TMEM138: variants seen among roughly 807,000 people sequenced by gnomAD.
TMEM138 encodes transmembrane protein 138.
Under a neutral mutation model 18.1 loss-of-function variants are expected in TMEM138, and 9 were observed. The observed-to-expected ratio is 0.50, with a 90% CI of 0.30 to 0.87. The LOEUF (loss-of-function observed/expected upper bound fraction) is 0.87. TMEM138 is among the 40% of genes least tolerant of loss of function. TMEM138 has a pLI of 0.06. For synonymous variants in TMEM138, 79 were observed against 74.8 expected (o/e 1.06, Z -0.29); for missense variants, 189 against 190.6 (o/e 0.99, Z 0.05).
chr11:61,370,097 T>A (rs1157738222), downstream of TMEM138, among the ~76,000 whole-genome samples: 1 of 152,200 alleles, frequency 6.6e-6, no homozygotes, highest in East Asian at 1.9e-4. Flanking sequence ...GTTCCCTGAC[T>A]GACTCCAAAC....
downstream of TMEM138, among the ~76,000 whole-genome samples, chr11:61,372,679 G>C (rs745468147): frequency 6.6e-6 from 1 of 151,794 alleles, no homozygotes; most frequent in African/African-American, 2.4e-5. Context: ...CCAGCTACTC[G>C]GGAGGCTGAG....
intron 4 of TMEM138, 78 bp downstream of exon 4, chr11:61,368,076 C>A: frequency 1.0e-6 from 1 of 983,704 alleles, no homozygotes; most frequent in Non-Finnish European, 1.6e-6. Flanking sequence ...TGCTGGCTTC[C>A]CAGACCTGTC....
downstream of TMEM138, among the ~76,000 whole-genome samples, chr11:61,372,066 C>T (rs1858356011): frequency 6.6e-6 from 1 of 151,430 alleles, no homozygotes; most frequent in South Asian, 2.1e-4. Flanking sequence ...ATCCCAGCTA[C>T]TCAGGAGGCT....
At chr11:61,366,949 C>G (rs74503791) in intron 3 of TMEM138, 1 of 152,200 alleles carries the variant, frequency 6.6e-6, no homozygotes, top group Admixed American at 6.5e-5. Flanking sequence ...GGGGACTCTT[C>G]CAGAACATTC....
downstream of TMEM138, among the ~76,000 whole-genome samples, chr11:61,375,255 A>AATTTG (rs1455111621): frequency 1.3e-5 from 2 of 152,024 alleles, no homozygotes; most frequent in Non-Finnish European, 2.9e-5. Context: ...CTATGAACAA[A>AATTTG]ATTTGCAGCA....
At chr11:61,374,299 C>G (rs899464592), downstream of TMEM138, among the ~76,000 whole-genome samples, 3 of 151,800 alleles carry the variant, frequency 2.0e-5, no homozygotes, top group African/African-American at 7.3e-5. Context: ...AGGCACCCAC[C>G]ACCACACCCA....
chr11:61,367,681 G>T (rs1858201454), intron 3 of TMEM138: 1 of 465,160 alleles, frequency 2.1e-6, no homozygotes, highest in Non-Finnish European at 3.9e-6. Flanking sequence ...CTTGGCAAAG[G>T]TTATGGAATT....
chr11:61,375,218 T>G (rs965885655), downstream of TMEM138, among the ~76,000 whole-genome samples: 1 of 152,172 alleles, frequency 6.6e-6, no homozygotes, highest in Non-Finnish European at 1.5e-5. Context: ...TTTAAGCTAT[T>G]TATAGCTTTA....
chr11:61,373,338 C>T (rs1858390072), downstream of TMEM138, among the ~76,000 whole-genome samples: 1 of 152,074 alleles, frequency 6.6e-6, no homozygotes, highest in Non-Finnish European at 1.5e-5. Context: ...AGCATATGGG[C>T]CTCTGTGTCA....
In TMEM138 at chr11:61,368,785, TATGC is replaced by T; in HGVS notation, c.*80_*83del. 1 of 1,131,640 alleles carries T rather than the reference TATGC, an allele frequency of 8.8e-7. No homozygotes were observed. The allele number at this position is 1,131,640 out of a possible 1,614,324, so 70.1% of individuals were successfully genotyped here. On this transcript the variant is annotated 3_prime_UTR_variant, in exon 5 of 5. Coordinates refer to ENST00000278826, the MANE Select transcript of TMEM138 (RefSeq NM_016464.5). The stretch of plus-strand genomic sequence containing the variant: ...GCTGCTTTGCAGGGAGAGTTGGCCC[TATGC>T]ATGGGCAAACAGCTGGACTTTCCAA...
chr11:61,363,977 G>A (rs1279557387), intron 1 of TMEM138: 1 of 157,800 alleles, frequency 6.3e-6, no homozygotes, highest in Non-Finnish European at 1.4e-5. Flanking sequence ...TGCCATTTTT[G>A]TTACCACCGC....
At chr11:61,368,291 CTCAGGCT>C in intron 4 of TMEM138, 1 of 532,816 alleles carries the variant, frequency 1.9e-6, no homozygotes, top group South Asian at 1.9e-5. Context: ...GTGGCGCTAT[CTCAGGCT>C]CACTGCAAGC....
chr11:61,366,908 T>A (rs1392642001), intron 3 of TMEM138: 1 of 152,210 alleles, frequency 6.6e-6, no homozygotes, highest in African/African-American at 2.4e-5. Context: ...ACCAACCTTA[T>A]GTGTTGAAAA....
rs962389656 is a variant in TMEM138 at position 61,366,097 on chromosome 11, T to C, written c.181T>C (p.Phe61Leu). The change falls in exon 3 of 5, where the codon TTC becomes CTC. Residue 61 changes from phenylalanine (F) to leucine (L), a missense_variant. Transcript: ENST00000278826. ...CATCATCATCATTTTCCTCATGTTC[T>C]TCAACACCTTCGTCTTCCAGGCTGG... ...FNIIIIFLMFFNTFVFQAGLV... is the reference protein window; with the variant it reads ...FNIIIIFLMFLNTFVFQAGLV... 6.2e-7 allele frequency: 1 copy of C among 1,614,164 alleles called. No homozygotes were observed. Among genetic ancestry groups the C allele is most frequent in the African/African-American group, 1.3e-5 (1 of 75,040 alleles).
downstream of TMEM138, among the ~76,000 whole-genome samples, chr11:61,375,317 CTTTTTTTTTTTT>C (rs71043758): frequency 1.5e-5 from 1 of 65,326 alleles, no homozygotes; most frequent in Non-Finnish European, 3.1e-5. Context: ...TGTGAGTATT[CTTTTTTTTTTTT>C]TTTTTTTTTT....
At chr11:61,372,537 C>G (rs1409667730), downstream of TMEM138, among the ~76,000 whole-genome samples, 2 of 150,714 alleles carry the variant, frequency 1.3e-5, no homozygotes, top group African/African-American at 4.9e-5. Context: ...AATCCCAGCA[C>G]TTTGGGAGGC....
At chr11:61,371,240 G>A (rs1305174670), downstream of TMEM138, among the ~76,000 whole-genome samples, 2 of 152,058 alleles carry the variant, frequency 1.3e-5, no homozygotes, top group Non-Finnish European at 2.9e-5. Context: ...TCACCATGTT[G>A]GCCAGGATGG....
chr11:61,364,977 C>G (rs1174653443), intron 2 of TMEM138, among the ~76,000 whole-genome samples: 2 of 151,058 alleles, frequency 1.3e-5, no homozygotes, highest in African/African-American at 4.9e-5. Context: ...CACCTGAGGT[C>G]GGGAATTCGG....
rs762028938 is a variant in TMEM138 at position 61,364,483 on chromosome 11, C to T, written c.93C>T (p.Leu31=). ...DLFVNSFSEL[L]QKTPVIQLVL... is the part of the protein sequence containing the mutation. The stretch of plus-strand genomic sequence containing the variant: ...TTGTCAATTCCTTCTCAGAACTGCT[C>T]CAAAAGACTCCTGTCATCCAGCTTG... Residue 31 remains leucine (L), a synonymous_variant, in exon 2 of 5, where the codon CTC becomes CTT. Coordinates refer to ENST00000278826, the MANE Select transcript of TMEM138 (RefSeq NM_016464.5). 3.7e-6 allele frequency: 6 copies of T among 1,614,194 alleles called. No individual in the cohort carries two copies. The highest frequency in any genetic ancestry group is 5.1e-6 in the Non-Finnish European group (6 of 1,180,050).
Sources: allele counts gnomAD v4.1 joint callset (sites outside exome capture counted in the v4.1 genomes callset), GRCh38; gene constraint gnomAD v4.1.1; transcripts MANE v1.5; gene names NCBI Gene and HGNC (gene_info 2026-07-23, HGNC 2026-07-21).